GRM1: variants seen among roughly 807,000 people sequenced by gnomAD.
GRM1 encodes the protein metabotropic glutamate receptor 1.
GRM1 carries 33 observed loss-of-function variants against 90.9 expected under a neutral mutation model. That is an observed-to-expected ratio of 0.36 (90% CI 0.28 to 0.49). The LOEUF (loss-of-function observed/expected upper bound fraction) is 0.49, where lower values mean the gene tolerates loss of function less well. GRM1 is among the 20% of genes least tolerant of loss of function. GRM1 has a pLI of 0.99. For missense variants in GRM1, 1,190 were observed against 1,534.3 expected, an observed-to-expected ratio of 0.78 and a Z score of 3.75; for synonymous variants, 700 against 613.2, an observed-to-expected ratio of 1.14 and a Z score of -2.09.
At chr6:146,359,161 G>C (rs1311221814) in intron 5 of GRM1, among the ~76,000 whole-genome samples, 2 of 152,174 alleles carry the variant, frequency 1.3e-5, no homozygotes, top group African/African-American at 4.8e-5. Flanking sequence ...AAAGTAGTAT[G>C]TATGGGCTGA....
chr6:146,097,188 G>A (rs1224943191), intron 1 of GRM1, among the ~76,000 whole-genome samples: 2 of 151,966 alleles, frequency 1.3e-5, no homozygotes, highest in Non-Finnish European at 2.9e-5. Context: ...GCTTAATGGG[G>A]GGTTTCCAAA....
chr6:146,406,834 C>G (rs1300130118), intron 7 of GRM1, among the ~76,000 whole-genome samples: 1 of 151,842 alleles, frequency 6.6e-6, no homozygotes, highest in African/African-American at 2.4e-5. Context: ...AACTCCATCT[C>G]CAAAACAACA....
chr6:146,032,793 C>T (rs576720783), intron 1 of GRM1, among the ~76,000 whole-genome samples: 2 of 152,240 alleles, frequency 1.3e-5, no homozygotes, highest in East Asian at 3.9e-4. Flanking sequence ...TAGAAGTTAA[C>T]CAAGAATAGT....
chr6:146,420,009 G>C (rs1393187624), intron 7 of GRM1, among the ~76,000 whole-genome samples: 1 of 152,132 alleles, frequency 6.6e-6, no homozygotes, highest in Non-Finnish European at 1.5e-5. Flanking sequence ...ACTGGGGTGA[G>C]GAAATGAAAG....
At chr6:146,167,707 A>G (rs1373768653) in intron 2 of GRM1, among the ~76,000 whole-genome samples, 2 of 152,088 alleles carry the variant, frequency 1.3e-5, no homozygotes, top group Non-Finnish European at 2.9e-5. Flanking sequence ...TATCCTTCAC[A>G]TCTATGTCCA....
intron 7 of GRM1, among the ~76,000 whole-genome samples, chr6:146,422,967 AGGAG>A (rs1012392165): frequency 6.8e-6 from 1 of 146,788 alleles, no homozygotes; most frequent in African/African-American, 2.5e-5. Context: ...GGAAAGGGAG[AGGAG>A]GGAGGGAGGG....
intron 2 of GRM1, among the ~76,000 whole-genome samples, chr6:146,216,690 C>T (rs1779884281): frequency 6.6e-6 from 1 of 152,240 alleles, no homozygotes; most frequent in African/African-American, 2.4e-5. Context: ...TCCTGTTCCT[C>T]TAAACTGTAA....
intron 2 of GRM1, among the ~76,000 whole-genome samples, chr6:146,223,921 A>G (rs990534480): frequency 6.6e-6 from 1 of 152,110 alleles, no homozygotes; most frequent in Non-Finnish European, 1.5e-5. Flanking sequence ...GTTTTCATGT[A>G]GTATTAACAT....
chr6:146,299,247 C>T (rs1011253055), intron 2 of GRM1, among the ~76,000 whole-genome samples: 5 of 152,158 alleles, frequency 3.3e-5, no homozygotes, highest in African/African-American at 7.2e-5. Flanking sequence ...CCTACATCAC[C>T]GTGTGATAAT....
chr6:146,153,363 G>A (rs893320759), intron 1 of GRM1, among the ~76,000 whole-genome samples: 6 of 152,178 alleles, frequency 3.9e-5, no homozygotes, highest in African/African-American at 1.4e-4. Context: ...GTATAACAGG[G>A]TTGTTTTGAG....
intron 1 of GRM1, among the ~76,000 whole-genome samples, chr6:146,042,435 G>A (rs1401627592): frequency 6.6e-6 from 1 of 152,030 alleles, no homozygotes; most frequent in African/African-American, 2.4e-5. Flanking sequence ...ATGAAAAAGA[G>A]TGAGTAGAAA....
chr6:146,206,636 T>G (rs557847319), intron 2 of GRM1, among the ~76,000 whole-genome samples: 1 of 152,024 alleles, frequency 6.6e-6, no homozygotes, highest in South Asian at 2.1e-4. Context: ...TTTTTCTTTT[T>G]AAGTTTTATT....
At chr6:146,274,046 T>C (rs1782265646) in intron 2 of GRM1, among the ~76,000 whole-genome samples, 1 of 152,256 alleles carries the variant, frequency 6.6e-6, no homozygotes, top group Non-Finnish European at 1.5e-5. Flanking sequence ...TTTTGTATTA[T>C]AGCAAATTTC....
chr6:146,032,968 T>G (rs144171256), intron 1 of GRM1, among the ~76,000 whole-genome samples: 105 of 152,344 alleles, frequency 6.9e-4, no homozygotes, highest in African/African-American at 2.4e-3. Flanking sequence ...TGTTTTGTGT[T>G]TTAACCAGTT....
intron 2 of GRM1, among the ~76,000 whole-genome samples, chr6:146,280,911 G>A (rs759623923): frequency 5.3e-5 from 8 of 152,024 alleles, no homozygotes; most frequent in Non-Finnish European, 1.0e-4. Context: ...TCATAGACAT[G>A]AGCCACCACA....
chr6:146,409,320 T>C (rs1228359624), intron 7 of GRM1, among the ~76,000 whole-genome samples: 4 of 152,174 alleles, frequency 2.6e-5, no homozygotes, highest in African/African-American at 9.7e-5. Context: ...ATGACTGAAT[T>C]CCCTCAACCC....
At chr6:146,382,322 TAA>T (rs5880673) in intron 5 of GRM1, among the ~76,000 whole-genome samples, 34,905 of 143,078 alleles carry the variant, frequency 0.24, 4,647 homozygotes, top group Middle Eastern at 0.34. Flanking sequence ...ACCTAAGATT[TAA>T]AAAAAAAAAA....
chr6:146,187,441 T>C (rs1284643548), intron 2 of GRM1, among the ~76,000 whole-genome samples: 1 of 152,122 alleles, frequency 6.6e-6, no homozygotes, highest in Non-Finnish European at 1.5e-5. Context: ...AACTAGAATT[T>C]GCTTCTCATT....
chr6:146,068,496 T>C (rs1775922876), intron 1 of GRM1, among the ~76,000 whole-genome samples: 1 of 152,026 alleles, frequency 6.6e-6, no homozygotes, highest in African/African-American at 2.4e-5. Context: ...CCCATTCTCC[T>C]GAGGGTAAAA....
Sources: gnomAD v4.1 joint callset for allele counts (sites outside exome capture counted in the v4.1 genomes callset) on GRCh38, gnomAD v4.1.1 for gene constraint, MANE v1.5 for transcripts, NCBI Gene and HGNC (gene_info 2026-07-23, HGNC 2026-07-21) for gene names.